Variants in PCDHA1 observed in about 807,000 individuals in gnomAD.
PCDHA1 encodes the protein protocadherin alpha-1.
In PCDHA1, 42 loss-of-function variants were observed where a neutral mutation model predicts 61.3. The observed-to-expected ratio is 0.69, with a 90% CI of 0.54 to 0.89. The LOEUF (loss-of-function observed/expected upper bound fraction) is 0.89. Ranked by LOEUF, PCDHA1 falls within the 40% of genes least tolerant of loss-of-function variation. The pLI, the probability that PCDHA1 is intolerant of heterozygous loss-of-function variation, is 0.00. For synonymous variants in PCDHA1, 610 were observed against 553.8 expected (o/e 1.10, Z -1.43); for missense variants, 1,256 against 1,235.3 (o/e 1.02, Z -0.25).
At chr5:140,870,014 A>G (rs782103858) in intron 1 of PCDHA1, 3 of 1,613,612 alleles carry the variant, frequency 1.9e-6, no homozygotes, top group Non-Finnish European at 2.5e-6. Flanking sequence ...GTGAGGGTCA[A>G]TGGAACTTTA....
intron 1 of PCDHA1, chr5:140,836,561 G>A (rs1554136082): frequency 1.1e-5 from 18 of 1,613,566 alleles, no homozygotes; most frequent in Admixed American, 1.7e-5. Flanking sequence ...GCTCAGCGCC[G>A]TCCTCTGAGG....
Position 140,978,948 on chromosome 5 carries a change from G to A in PCDHA1, c.2395-1G>A, listed in dbSNP as rs1554239939. On this transcript the variant is annotated splice_acceptor_variant, in intron 1 of 3. Transcript: ENST00000504120. LOFTEE classifies it high-confidence loss of function. ...AGAAAACTCTCTTTGTGATTTTGCA[G>A]CCACGACAGCCCAACCCTGACTGGC... is the stretch of plus-strand genomic sequence containing the variant. 1 of 1,614,128 alleles carries A rather than the reference G, an allele frequency of 6.2e-7. No individual in the cohort carries two copies. The highest frequency in any genetic ancestry group is 8.5e-7 in the Non-Finnish European group (1 of 1,180,018).
chr5:140,875,816 A>C lies in PCDHA1; in HGVS notation c.2394+87132A>C, dbSNP rs570265935. On this transcript the variant is annotated intron_variant, in intron 1 of 3. Coordinates refer to ENST00000504120, the MANE Select transcript of PCDHA1 (RefSeq NM_018900.4). ...GAGGTGATCGTGGACAGGCCGCTGC[A>C]GGTTTTCCATGTGGACGTGGAGGTG... is the stretch of plus-strand genomic sequence containing the variant. 24 of 1,614,198 alleles carry C rather than the reference A, an allele frequency of 1.5e-5. No individual in the cohort carries two copies. The South Asian group carries it at 2.6e-4, about 18-fold the overall frequency.
intron 1 of PCDHA1, chr5:140,828,812 A>C: frequency 6.2e-7 from 1 of 1,614,228 alleles, no homozygotes; most frequent in Non-Finnish European, 8.5e-7. Flanking sequence ...TAATGCTCCC[A>C]CTTTCGAACA....
At chr5:140,828,426 G>T (rs2150155253) in intron 1 of PCDHA1, 65 of 1,614,170 alleles carry the variant, frequency 4.0e-5, no homozygotes, top group Non-Finnish European at 5.4e-5. Flanking sequence ...ATCGTGGACA[G>T]GCCGCTGCAG....
chr5:140,835,826 C>A, intron 1 of PCDHA1: 1 of 1,612,456 alleles, frequency 6.2e-7, no homozygotes, highest in East Asian at 2.2e-5. Flanking sequence ...CGGCGGGGGA[C>A]GCGGACGCGC....
chr5:140,899,995 A>G (rs1449060467), intron 1 of PCDHA1, among the ~76,000 whole-genome samples: 1 of 151,872 alleles, frequency 6.6e-6, no homozygotes, highest in Non-Finnish European at 1.5e-5. Context: ...TTTTTTGTAG[A>G]GATGAGGTCT....
At chr5:140,863,497 C>A in intron 1 of PCDHA1, 1 of 434,948 alleles carries the variant, frequency 2.3e-6, no homozygotes, top group South Asian at 1.8e-5. Context: ...AACATTACGG[C>A]TTTTAGTCCT....
chr5:140,823,173 C>G lies in PCDHA1; in HGVS notation c.2394+34489C>G, dbSNP rs2150123089. On this transcript the variant is annotated intron_variant, in intron 1 of 3. Transcript: ENST00000504120. ...AGTATACCGTGTTCGTGAAGGAGAA[C>G]AACCCGCCAGGCTGCCACATCTTCA... is the stretch of plus-strand genomic sequence containing the variant. The G allele has an allele frequency of 2.5e-6, 4 of 1,613,906 alleles. No homozygotes were observed. The African/African-American group carries it at 5.3e-5, about 22-fold the overall frequency.
chr5:140,795,400 A>T, intron 1 of PCDHA1: 1 of 1,614,212 alleles, frequency 6.2e-7, no homozygotes, highest in East Asian at 2.2e-5. Context: ...TCCCGAATCA[A>T]GGCTGCTTGA....
rs183321184 is a variant in PCDHA1 at position 140,907,756 on chromosome 5, C to G, written c.2395-71193C>G. 7.8e-3 allele frequency among the ~76,000 whole-genome samples: 1,193 copies of G among 152,264 alleles called. 22 individuals carry two copies. The highest frequency in any genetic ancestry group is 0.027 in the African/African-American group (1,101 of 41,546). On this transcript the variant is annotated intron_variant, in intron 1 of 3. Coordinates refer to ENST00000504120, the MANE Select transcript of PCDHA1 (RefSeq NM_018900.4). ...CCACCATGGCCACTTTGTTCATGGGCCCATTGGGTGATGACAGGGGTGGCT... is the reference window on the plus strand; with the variant it reads ...CCACCATGGCCACTTTGTTCATGGGGCCATTGGGTGATGACAGGGGTGGCT...
intron 1 of PCDHA1, among the ~76,000 whole-genome samples, chr5:140,962,961 T>C (rs1483172996): frequency 1.3e-5 from 2 of 152,148 alleles, no homozygotes; most frequent in African/African-American, 4.8e-5. Flanking sequence ...TCTATCCCTA[T>C]ATAGGAAATT....
intron 1 of PCDHA1, among the ~76,000 whole-genome samples, chr5:140,799,095 A>C (rs1403454978): frequency 6.6e-6 from 1 of 152,240 alleles, no homozygotes; most frequent in African/African-American, 2.4e-5. Context: ...TTGCTCTATA[A>C]GTTTTTTCAA....
At chr5:141,008,440 A>T (rs545076432) in intron 3 of PCDHA1, among the ~76,000 whole-genome samples, 196 of 152,294 alleles carry the variant, frequency 1.3e-3, no homozygotes, top group South Asian at 8.7e-3. Flanking sequence ...GCCCAGACAG[A>T]CCATTACCCT....
rs891095309 is a variant in PCDHA1 at position 140,788,170 on chromosome 5, A to G, written c.1880A>G (p.Tyr627Cys). 4.3e-6 allele frequency: 7 copies of G among 1,613,890 alleles called. No individual in the cohort carries two copies. Among genetic ancestry groups the G allele is most frequent in the Non-Finnish European group, 4.2e-6 (5 of 1,179,912 alleles). ...CGCATCCCGTTCCGCGTGGGGCTGT[A>G]CACGGGCGAGATCAGCACGACTCGT... ...GARIPFRVGL[Y>C]TGEISTTRVL... The change falls in exon 1 of 4, where the codon TAC (tyrosine) becomes TGC (cysteine). Residue 627 changes from tyrosine (Y) to cysteine (C), a missense_variant. Coordinates refer to ENST00000504120, the MANE Select transcript of PCDHA1 (RefSeq NM_018900.4).
At chr5:140,841,423 C>A (rs139433967) in intron 1 of PCDHA1, 2 of 1,610,284 alleles carry the variant, frequency 1.2e-6, no homozygotes, top group Admixed American at 3.4e-5. Flanking sequence ...TCCACTACTC[C>A]GTCCCCGAGG....
At chr5:140,924,894 C>CAA (rs782133089) in intron 1 of PCDHA1, among the ~76,000 whole-genome samples, 44 of 71,514 alleles carry the variant, frequency 6.2e-4, no homozygotes, top group African/African-American at 1.3e-3. Flanking sequence ...GAACCTGTCT[C>CAA]AAAAAAAAAA....
At chr5:140,849,484 T>A (rs2040926970) in intron 1 of PCDHA1, 1 of 1,590,814 alleles carries the variant, frequency 6.3e-7, no homozygotes, top group Non-Finnish European at 8.6e-7. Flanking sequence ...TTCCCACCCC[T>A]GGCTGGTCAT....
chr5:140,810,430 T>C (rs1297266211), intron 1 of PCDHA1: 18 of 152,238 alleles, frequency 1.2e-4, no homozygotes, highest in Non-Finnish European at 2.2e-4. Flanking sequence ...CAAGATGTTT[T>C]TACCTGTTTA....
Sources: gnomAD v4.1 joint callset for allele counts (sites outside exome capture counted in the v4.1 genomes callset) on GRCh38, gnomAD v4.1.1 for gene constraint, MANE v1.5 for transcripts, NCBI Gene and HGNC (gene_info 2026-07-23, HGNC 2026-07-21) for gene names.